TMEM135: variants seen among roughly 807,000 people sequenced by gnomAD.
TMEM135 encodes peroxisomal membrane protein 52.
TMEM135 carries 30 observed loss-of-function variants against 60.3 expected under a neutral mutation model. That is an observed-to-expected ratio of 0.50 (90% CI 0.37 to 0.68). TMEM135 has a LOEUF of 0.68. Among genes scored for constraint, TMEM135 ranks in the 30% least tolerant of loss-of-function variants. The probability of loss-of-function intolerance (pLI) is 0.00; values close to 1 mark genes in which losing one functional copy is unlikely to be tolerated. For missense variants in TMEM135, 468 were observed against 548.8 expected, an observed-to-expected ratio of 0.85 and a Z score of 1.47; for synonymous variants, 190 against 186.7, an observed-to-expected ratio of 1.02 and a Z score of -0.14.
chr11:87,127,897 C>T (rs562824956), intron 4 of TMEM135, among the ~76,000 whole-genome samples: 10 of 152,216 alleles, frequency 6.6e-5, no homozygotes, highest in African/African-American at 2.4e-4. Context: ...TGCTGAATGT[C>T]CAGCAGAATA....
rs559863401 is a variant in TMEM135 at position 87,249,713 on chromosome 11, T to C, written c.509+13029T>C. Among the ~76,000 whole-genome samples, 429 of 152,270 alleles carry C rather than the reference T, an allele frequency of 2.8e-3. 3 individuals are homozygous for C. Among genetic ancestry groups the C allele is most frequent in the African/African-American group, 9.7e-3 (402 of 41,562 alleles). ...CTTTTTACTGTGCTGTGGAATTTGGTTTGCTAGTATTTTGTTGAGGATTTT... is the reference window on the plus strand; with the variant it reads ...CTTTTTACTGTGCTGTGGAATTTGGCTTGCTAGTATTTTGTTGAGGATTTT... On this transcript the variant is annotated intron_variant, in intron 6 of 14. Coordinates refer to ENST00000305494, the MANE Select transcript of TMEM135 (RefSeq NM_022918.4).
chr11:87,125,758 G>A (rs1338646436), intron 4 of TMEM135, among the ~76,000 whole-genome samples: 1 of 152,102 alleles, frequency 6.6e-6, no homozygotes, highest in Non-Finnish European at 1.5e-5. Context: ...AATTGTAAAG[G>A]GGATGGACAG....
intron 4 of TMEM135, among the ~76,000 whole-genome samples, chr11:87,128,043 T>A (rs1330739471): frequency 6.6e-6 from 1 of 152,214 alleles, no homozygotes; most frequent in Admixed American, 6.5e-5. Context: ...GAATCTTACT[T>A]TGGCTTTTTT....
rs1942846943 is a variant in TMEM135 at position 87,322,817 on chromosome 11, G to C, written c.*1484G>C. The C allele has an allele frequency of 2.2e-6, 1 of 454,278 alleles. No individual in the cohort carries two copies. Among genetic ancestry groups the C allele is most frequent in the Non-Finnish European group, 4.4e-6 (1 of 226,738 alleles). The allele number at this position is 454,278 out of a possible 1,614,324, so 28.1% of individuals were successfully genotyped here. A position where few individuals can be genotyped will look rare whatever the true frequency, so the allele number is the denominator to read the frequency against. On this transcript the variant is annotated 3_prime_UTR_variant, in exon 15 of 15. Transcript: ENST00000305494. Reference sequence around the variant, plus strand: ...GACAGACTCTGGTACTATGGTAACAGAGCCACTTTATCATTTGGTCAAAAT... The same window carrying C: ...GACAGACTCTGGTACTATGGTAACACAGCCACTTTATCATTTGGTCAAAAT...
intron 8 of TMEM135, among the ~76,000 whole-genome samples, chr11:87,304,585 T>C (rs139954030): frequency 3.3e-5 from 5 of 152,304 alleles, no homozygotes; most frequent in Non-Finnish European, 7.3e-5. Flanking sequence ...TCTAAAGATA[T>C]AAGGGCTGTG....
At chr11:87,274,786 C>CTGTGTG (rs10655114) in intron 6 of TMEM135, among the ~76,000 whole-genome samples, 5,356 of 129,186 alleles carry the variant, frequency 0.041, 159 homozygotes, top group East Asian at 0.13. Context: ...CATAGCAAGA[C>CTGTGTG]TGTGTGTGTG....
chr11:87,191,636 A>G (rs1201097616), intron 5 of TMEM135, among the ~76,000 whole-genome samples: 2 of 152,158 alleles, frequency 1.3e-5, no homozygotes, highest in South Asian at 2.1e-4. Context: ...TTTGTGGGAT[A>G]TATTTTAAAA....
At chr11:87,170,863 G>A (rs1208740067) in intron 5 of TMEM135, among the ~76,000 whole-genome samples, 7 of 152,110 alleles carry the variant, frequency 4.6e-5, no homozygotes, top group Non-Finnish European at 1.0e-4. Flanking sequence ...AGGCAGGAAC[G>A]TTTAAGTTTG....
chr11:87,076,678 A>T (rs1856880389), intron 3 of TMEM135, among the ~76,000 whole-genome samples: 1 of 152,220 alleles, frequency 6.6e-6, no homozygotes, highest in South Asian at 2.1e-4. Context: ...CTCAGAGCCC[A>T]AGGCTACGGC....
chr11:87,247,674 A>G (rs913273908), intron 6 of TMEM135, among the ~76,000 whole-genome samples: 3 of 152,234 alleles, frequency 2.0e-5, no homozygotes, highest in Middle Eastern at 3.4e-3. Flanking sequence ...GTGGGATATA[A>G]TCTCCTGGTG....
At chr11:87,196,144 G>A (rs1939951355) in intron 5 of TMEM135, among the ~76,000 whole-genome samples, 1 of 152,116 alleles carries the variant, frequency 6.6e-6, no homozygotes, top group African/African-American at 2.4e-5. Flanking sequence ...TATAATTTGA[G>A]TGAGAGAGTA....
intron 11 of TMEM135, among the ~76,000 whole-genome samples, chr11:87,313,727 A>T (rs1011471475): frequency 1.3e-5 from 2 of 151,764 alleles, no homozygotes; most frequent in Non-Finnish European, 3.0e-5. Flanking sequence ...ATAGGCCATA[A>T]ATCCTAGCGA....
At chr11:87,256,784 A>G (rs968454931) in intron 6 of TMEM135, among the ~76,000 whole-genome samples, 1 of 152,128 alleles carries the variant, frequency 6.6e-6, no homozygotes, top group Non-Finnish European at 1.5e-5. Context: ...CTTTGTTTGT[A>G]TACTTTTAGT....
At chr11:87,157,498 C>T (rs991218514) in intron 5 of TMEM135, 92 bp downstream of exon 5, 4 of 1,128,094 alleles carry the variant, frequency 3.5e-6, no homozygotes, top group Non-Finnish European at 5.3e-6. Flanking sequence ...GATGCTTTGT[C>T]TAAGAAATAG....
At chr11:87,195,385 C>CTCTCTCTCT (rs1386243376) in intron 5 of TMEM135, among the ~76,000 whole-genome samples, 7 of 91,462 alleles carry the variant, frequency 7.7e-5, no homozygotes, top group African/African-American at 2.4e-4. Flanking sequence ...TTCCTTCCTT[C>CTCTCTCTCT]CTTCCTTCTC....
intron 5 of TMEM135, among the ~76,000 whole-genome samples, chr11:87,167,291 C>T (rs1369711616): frequency 6.6e-6 from 1 of 152,146 alleles, no homozygotes; most frequent in African/African-American, 2.4e-5. Flanking sequence ...TTTGAGTACG[C>T]TTTATTTCTT....
At chr11:87,294,346 A>G (rs558770464) in intron 6 of TMEM135, among the ~76,000 whole-genome samples, 3 of 152,312 alleles carry the variant, frequency 2.0e-5, no homozygotes, top group Non-Finnish European at 4.4e-5. Flanking sequence ...TTTCCTACAG[A>G]AGACATAGAG....
intron 3 of TMEM135, among the ~76,000 whole-genome samples, chr11:87,075,257 C>T (rs1856847084): frequency 6.6e-6 from 1 of 151,702 alleles, no homozygotes; most frequent in African/African-American, 2.4e-5. Context: ...CTCCCGGGTT[C>T]ACGCCATTCT....
intron 4 of TMEM135, among the ~76,000 whole-genome samples, chr11:87,113,549 T>C (rs1485205754): frequency 6.6e-6 from 1 of 152,080 alleles, no homozygotes; most frequent in African/African-American, 2.4e-5. Flanking sequence ...TCTGTTCTTG[T>C]AAATGTGGCA....
Sources: allele counts gnomAD v4.1 joint callset (sites outside exome capture counted in the v4.1 genomes callset), GRCh38; gene constraint gnomAD v4.1.1; transcripts MANE v1.5; gene names NCBI Gene and HGNC (gene_info 2026-07-23, HGNC 2026-07-21).